The following ARHGAP21 variants were observed in gnomAD, a reference collection of about 807,000 sequenced individuals.
ARHGAP21 encodes rho GTPase-activating protein 21.
In ARHGAP21, 38 loss-of-function variants were observed where a neutral mutation model predicts 164.6. The ratio of observed to expected loss-of-function variants is 0.23; its 90% confidence interval spans 0.18 to 0.30. ARHGAP21 has a LOEUF of 0.30. Ranked by LOEUF, ARHGAP21 falls within the 10% of genes least tolerant of loss-of-function variation. The pLI is 1.00. For missense variants in ARHGAP21, 1,822 were observed against 2,370.7 expected (o/e 0.77, Z 4.81); for synonymous variants, 766 against 857.9 (o/e 0.89, Z 1.87).
intron 4 of ARHGAP21, among the ~76,000 whole-genome samples, chr10:24,642,078 C>G (rs1837095425): frequency 6.6e-6 from 1 of 151,952 alleles, no homozygotes; most frequent in Non-Finnish European, 1.5e-5. Context: ...ATGAATGCAG[C>G]TTAATTATAA....
intron 4 of ARHGAP21, among the ~76,000 whole-genome samples, chr10:24,659,595 G>C (rs767235410): frequency 6.6e-6 from 1 of 152,124 alleles, no homozygotes; most frequent in Non-Finnish European, 1.5e-5. Flanking sequence ...AATTACAGGC[G>C]TAAGCCACTG....
At position 24,691,569 on chromosome 10, in the gene ARHGAP21, T is replaced by C. The variant is rs114180520; in HGVS notation, c.64-21172A>G. On this transcript the variant is annotated intron_variant, in intron 2 of 25. Transcript: ENST00000396432. ...GTATTTTAGACACATTTTAGAGGCA[T>C]TGGTGGAACTTACTATTTCAAACCC... Among the ~76,000 whole-genome samples the C allele has an allele frequency of 5.1e-4, 78 of 152,364 alleles. 1 individual carries two copies. Among genetic ancestry groups the C allele is most frequent in the Middle Eastern group, 3.4e-3 (1 of 294 alleles).
intron 4 of ARHGAP21, among the ~76,000 whole-genome samples, chr10:24,651,628 T>C (rs1468249027): frequency 6.6e-6 from 1 of 152,370 alleles, no homozygotes; most frequent in East Asian, 1.9e-4. Context: ...TCACACACTG[T>C]GGACAAGTTT....
At chr10:24,677,215 G>A (rs1841340744) in intron 2 of ARHGAP21, among the ~76,000 whole-genome samples, 1 of 152,092 alleles carries the variant, frequency 6.6e-6, no homozygotes, top group Non-Finnish European at 1.5e-5. Context: ...GCGAGACTCC[G>A]ACTCTAAATA....
chr10:24,614,344 A>T (rs927341816), intron 9 of ARHGAP21, among the ~76,000 whole-genome samples: 2 of 152,240 alleles, frequency 1.3e-5, no homozygotes, highest in African/African-American at 4.8e-5. Context: ...GGAATTATCT[A>T]TTTAATTTAT....
intron 22 of ARHGAP21, 48 bp downstream of exon 22, chr10:24,591,839 T>C: frequency 6.3e-7 from 1 of 1,592,942 alleles, no homozygotes; most frequent in Non-Finnish European, 8.5e-7. Flanking sequence ...AAATGAATTT[T>C]CTTGCAGAGA....
intron 24 of ARHGAP21, chr10:24,590,940 TAAA>T (rs901265529): frequency 0.019 from 13,498 of 723,168 alleles, no homozygotes; most frequent in Non-Finnish European, 0.02. Flanking sequence ...AACTGTGAAT[TAAA>T]AAAAAAAAAA....
At chr10:24,677,602 T>C (rs1202234081) in intron 2 of ARHGAP21, among the ~76,000 whole-genome samples, 1 of 152,158 alleles carries the variant, frequency 6.6e-6, no homozygotes, top group Non-Finnish European at 1.5e-5. Flanking sequence ...GAGCATAACA[T>C]GAGAGACTCA....
chr10:24,596,063 C>T lies in ARHGAP21; in HGVS notation c.3478-20G>A, dbSNP rs1554963401. 10 of 1,564,142 alleles carry T rather than the reference C, an allele frequency of 6.4e-6. No individual in the cohort carries two copies. In the South Asian group the frequency reaches 7.1e-5, roughly 11 times the overall value. ...AATATACTGCAAAACAAGAAATAAACATTTTATTTAATGCAGCACAAATGT... is the reference window on the plus strand; with the variant it reads ...AATATACTGCAAAACAAGAAATAAATATTTTATTTAATGCAGCACAAATGT... On this transcript the variant is annotated intron_variant, in intron 17 of 25. Transcript: ENST00000396432.
intron 9 of ARHGAP21, among the ~76,000 whole-genome samples, chr10:24,614,568 G>A (rs182715081): frequency 7.2e-4 from 109 of 151,998 alleles, no homozygotes; most frequent in Non-Finnish European, 1.3e-3. Context: ...TGAGGCAGGC[G>A]GATCAGGAGT....
rs767658805 is a variant in ARHGAP21 at position 24,595,972 on chromosome 10, A to G, written c.3549T>C (p.Tyr1183=). 1.9e-5 allele frequency: 31 copies of G among 1,612,870 alleles called. No homozygotes were observed. In the African/African-American group the frequency reaches 3.3e-4, roughly 17 times the overall value. The change falls in exon 18 of 26, where the codon TAT becomes TAC. Residue 1183 remains tyrosine (Y), a synonymous_variant. Transcript: ENST00000396432. ...EERGLEYTGI[Y]RVPGNNAAIS... Reference sequence around the variant, plus strand: ...TGGCTGCATTATTTCCAGGAACTCTATAAATACCTGTATATTCAAGACCTC... The same window carrying G: ...TGGCTGCATTATTTCCAGGAACTCTGTAAATACCTGTATATTCAAGACCTC...
At chr10:24,589,566 A>G (rs2076247521) in intron 24 of ARHGAP21, 1 of 407,036 alleles carries the variant, frequency 2.5e-6, no homozygotes, top group Non-Finnish European at 4.3e-6. Context: ...CAAAAACAGA[A>G]ACACTCGTGT....
chr10:24,661,316 A>G (rs1839674524), intron 4 of ARHGAP21, among the ~76,000 whole-genome samples: 1 of 151,874 alleles, frequency 6.6e-6, no homozygotes, highest in Non-Finnish European at 1.5e-5. Context: ...AACCAACAAG[A>G]AGAAAAAATA....
Position 24,629,993 on chromosome 10 carries a change from T to C in ARHGAP21, c.495+3A>G. The C allele has an allele frequency of 6.4e-7, 1 of 1,559,214 alleles. No individual in the cohort carries two copies. Among genetic ancestry groups the C allele is most frequent in the Non-Finnish European group, 8.7e-7 (1 of 1,143,214 alleles). Reference sequence around the variant, plus strand: ...AACTCATATATGAATAAATAAAACTTACCACTTGGAGAATGTCTTCATCTT... The same window carrying C: ...AACTCATATATGAATAAATAAAACTCACCACTTGGAGAATGTCTTCATCTT... On this transcript the variant is annotated splice_donor_region_variant and intron_variant, in intron 7 of 25. Coordinates refer to ENST00000396432, the MANE Select transcript of ARHGAP21 (RefSeq NM_020824.4).
At chr10:24,710,750 G>A (rs1844700899) in intron 2 of ARHGAP21, among the ~76,000 whole-genome samples, 1 of 152,090 alleles carries the variant, frequency 6.6e-6, no homozygotes, top group Non-Finnish European at 1.5e-5. Flanking sequence ...GGGAACAAAA[G>A]GGTCATTATC....
At chr10:24,666,634 T>C (rs574281794) in intron 4 of ARHGAP21, among the ~76,000 whole-genome samples, 7 of 152,158 alleles carry the variant, frequency 4.6e-5, no homozygotes, top group Non-Finnish European at 7.4e-5. Context: ...ATAAACCCAA[T>C]TGATAAAACA....
chr10:24,642,596 G>A (rs768119741), intron 4 of ARHGAP21, among the ~76,000 whole-genome samples: 2 of 151,124 alleles, frequency 1.3e-5, no homozygotes, highest in African/African-American at 4.9e-5. Flanking sequence ...CTATGTGATC[G>A]GTACTGCAAG....
At chr10:24,682,390 T>C (rs996442171) in intron 2 of ARHGAP21, among the ~76,000 whole-genome samples, 1 of 152,200 alleles carries the variant, frequency 6.6e-6, no homozygotes, top group Non-Finnish European at 1.5e-5. Flanking sequence ...ATGCCATGAA[T>C]AGGAAGGGAA....
intron 2 of ARHGAP21, among the ~76,000 whole-genome samples, chr10:24,679,132 T>C (rs1432277373): frequency 6.6e-6 from 1 of 152,092 alleles, no homozygotes; most frequent in Non-Finnish European, 1.5e-5. Flanking sequence ...TGTCCAAGAG[T>C]GCTACTGTTG....
Sources: allele counts gnomAD v4.1 joint callset (sites outside exome capture counted in the v4.1 genomes callset), GRCh38; gene constraint gnomAD v4.1.1; transcripts MANE v1.5; gene names NCBI Gene and HGNC (gene_info 2026-07-23, HGNC 2026-07-21).